Variants in NINJ2 observed in about 807,000 individuals in gnomAD.
NINJ2 encodes ninjurin-2.
In NINJ2, 12 loss-of-function variants were observed where a neutral mutation model predicts 11.7. The ratio of observed to expected loss-of-function variants is 1.02; its 90% CI spans 0.66 to 1.66. The LOEUF (loss-of-function observed/expected upper bound fraction) is 1.66, where lower values mean the gene tolerates loss of function less well. Ranked by LOEUF, NINJ2 falls within the 40% of genes most tolerant of loss-of-function variation. The pLI, the probability that NINJ2 is intolerant of heterozygous loss-of-function variation, is 0.00. For missense variants in NINJ2, 187 were observed against 181.8 expected (o/e 1.03, Z -0.16); for synonymous variants, 93 against 76.8 (o/e 1.21, Z -1.10).
intron 1 of NINJ2, among the ~76,000 whole-genome samples, chr12:574,615 A>G (rs1947427879): frequency 6.6e-6 from 1 of 151,558 alleles, no homozygotes; most frequent in East Asian, 1.9e-4. Context: ...GCCACCTTCT[A>G]CCAGGGAAGG....
chr12:642,471 C>A (rs541449196), intron 1 of NINJ2, among the ~76,000 whole-genome samples: 2 of 152,274 alleles, frequency 1.3e-5, no homozygotes, highest in African/African-American at 4.8e-5. Flanking sequence ...CCTCAGGTCC[C>A]CCCGCCTCGG....
chr12:567,078 G>C (rs1451876000), intron 1 of NINJ2, among the ~76,000 whole-genome samples: 1 of 152,214 alleles, frequency 6.6e-6, no homozygotes, highest in Non-Finnish European at 1.5e-5. Flanking sequence ...TCATTTAAAA[G>C]TTATAGTATT....
At chr12:655,803 C>G (rs532646929) in intron 1 of NINJ2, among the ~76,000 whole-genome samples, 1 of 152,034 alleles carries the variant, frequency 6.6e-6, no homozygotes, top group East Asian at 1.9e-4. Context: ...ATCCCAGCTA[C>G]TCAGGAGGCT....
At chr12:643,640 G>C in intron 1 of NINJ2, 1 of 988,056 alleles carries the variant, frequency 1.0e-6, no homozygotes, top group Non-Finnish European at 1.2e-6. Flanking sequence ...TTGCAACGAA[G>C]CCAAAGCCAA....
Position 585,438 on chromosome 12 carries a change from T to G in NINJ2, c.34-19260A>C, listed in dbSNP as rs1292644725. On this transcript the variant is annotated intron_variant, in intron 1 of 3. Transcript: ENST00000305108. This position sits in a 1 kb window ranked among gnomAD's most constrained non-coding sequence, Gnocchi z 4.1. Reference sequence around the variant, plus strand: ...TCAACAGCACCACCCAGGATTTCAGTGTCAGTCCTATCCTCATCAGGCAGG... The same window carrying G: ...TCAACAGCACCACCCAGGATTTCAGGGTCAGTCCTATCCTCATCAGGCAGG... 6.6e-6 allele frequency among the ~76,000 whole-genome samples: 1 copy of G among 151,898 alleles called. No individual in the cohort carries two copies. The highest frequency in any genetic ancestry group is 1.5e-5 in the Non-Finnish European group (1 of 68,004).
At position 634,265 on chromosome 12, in the gene NINJ2, C is replaced by CTTTTTTTTTTTT. The variant is rs67797144; in HGVS notation, c.33+29051_33+29062dup. Among the ~76,000 whole-genome samples, 20 of 59,526 alleles carry CTTTTTTTTTTTT rather than the reference C, an allele frequency of 3.4e-4. 1 individual carries two copies. The highest frequency in any genetic ancestry group is 8.9e-4 in the African/African-American group (16 of 17,970). The allele number at this position is 59,526 out of a possible 152,430, so 39.1% of individuals were successfully genotyped here. A position where few individuals can be genotyped will look rare whatever the true frequency, so the allele number is the denominator to read the frequency against. ...AAATAAATGTTGATTAGTTGCAGTT[C>CTTTTTTTTTTTT]TTTTTTTTTTTTTTTTTTTTTTTTT... On this transcript the variant is annotated intron_variant, in intron 1 of 3. Coordinates refer to ENST00000305108, the MANE Select transcript of NINJ2 (RefSeq NM_016533.6).
intron 1 of NINJ2, among the ~76,000 whole-genome samples, chr12:577,444 A>ATATATATACAT (rs1947483040): frequency 1.5e-5 from 1 of 66,078 alleles, no homozygotes; most frequent in African/African-American, 5.1e-5. Context: ...TATATATATA[A>ATATATATACAT]ATATTTTGGC....
intron 3 of NINJ2, among the ~76,000 whole-genome samples, 185 bp downstream of exon 3, chr12:565,032 C>T (rs1947272880): frequency 6.6e-6 from 1 of 152,244 alleles, no homozygotes; most frequent in African/African-American, 2.4e-5. Flanking sequence ...GCCATTAACA[C>T]AGCAGTGGGG....
intron 1 of NINJ2, among the ~76,000 whole-genome samples, chr12:602,711 A>C (rs1947887911): frequency 1.3e-5 from 2 of 152,206 alleles, no homozygotes; most frequent in Admixed American, 6.5e-5. Flanking sequence ...ACCATTTTGC[A>C]TTCCAGCCAG....
intron 1 of NINJ2, among the ~76,000 whole-genome samples, chr12:618,873 T>C (rs544719352): frequency 6.6e-6 from 1 of 152,272 alleles, no homozygotes; most frequent in Non-Finnish European, 1.5e-5. Flanking sequence ...TAGACTCAGA[T>C]GGTTTAGAGC....
chr12:605,744 C>T (rs55763859), intron 1 of NINJ2, among the ~76,000 whole-genome samples: 7,485 of 152,132 alleles, frequency 0.049, 256 homozygotes, highest in South Asian at 0.077. Context: ...GTTTGTTTTT[C>T]GAATGGGTTC....
intron 1 of NINJ2, among the ~76,000 whole-genome samples, chr12:597,427 T>C (rs1217728006): frequency 6.6e-6 from 1 of 152,208 alleles, no homozygotes; most frequent in East Asian, 1.9e-4. Context: ...ATTTCCACTG[T>C]TTACCCAGGA....
chr12:598,422 G>A (rs970328574), intron 1 of NINJ2, among the ~76,000 whole-genome samples: 1 of 152,168 alleles, frequency 6.6e-6, no homozygotes, highest in African/African-American at 2.4e-5. Context: ...AGGGCTGCCC[G>A]AGCTTGCCCA....
At chr12:642,195 G>GA (rs912614520) in intron 1 of NINJ2, among the ~76,000 whole-genome samples, 8 of 151,874 alleles carry the variant, frequency 5.3e-5, no homozygotes, top group South Asian at 2.1e-4. Flanking sequence ...AATCAGAGAG[G>GA]AAAAAAAAGT....
In NINJ2 at chr12:611,401, G is replaced by A. The variant is rs1363822404; in HGVS notation, c.34-45223C>T. ...CACCCAGGCTGGAGTGCAGTGGCAC[G>A]ATCTTGGCTCATTACAACCACCACC... On this transcript the variant is annotated intron_variant, in intron 1 of 3. Transcript: ENST00000305108. Among the ~76,000 whole-genome samples the A allele has an allele frequency of 9.3e-5, 14 of 150,544 alleles. No homozygotes were observed. In the South Asian group the frequency reaches 1.0e-3, roughly 11 times the overall value.
At position 627,769 on chromosome 12, in the gene NINJ2, G is replaced by C. The variant is rs141695427; in HGVS notation, c.33+35559C>G. ...GACCCCTGCCAAAATCTCAACTGGA[G>C]CTGGGCACAGTGGCGCATGCCTGTA... On this transcript the variant is annotated intron_variant, in intron 1 of 3. Coordinates refer to ENST00000305108, the MANE Select transcript of NINJ2 (RefSeq NM_016533.6). Among the ~76,000 whole-genome samples the C allele has an allele frequency of 1.1e-3, 174 of 152,306 alleles. 2 individuals are homozygous for C. The highest frequency in any genetic ancestry group is 4.1e-3 in the African/African-American group (170 of 41,574).
At chr12:597,272 T>C (rs1377168674) in intron 1 of NINJ2, among the ~76,000 whole-genome samples, 1 of 152,192 alleles carries the variant, frequency 6.6e-6, no homozygotes, top group Non-Finnish European at 1.5e-5. Flanking sequence ...ATGTGTAGCA[T>C]GAAAATGATA....
intron 1 of NINJ2, chr12:643,922 T>C (rs1937633286): frequency 6.5e-6 from 1 of 154,962 alleles, no homozygotes; most frequent in South Asian, 2.0e-4. Context: ...TATCACCTAT[T>C]GCAATTGCCC....
chr12:649,116 G>A (rs1436006936), intron 1 of NINJ2, among the ~76,000 whole-genome samples: 2 of 151,026 alleles, frequency 1.3e-5, no homozygotes, highest in African/African-American at 2.4e-5. Flanking sequence ...GCGCGATCTC[G>A]GCTCACTGCA....
Sources: gnomAD v4.1 joint callset for allele counts (sites outside exome capture counted in the v4.1 genomes callset) on GRCh38, gnomAD v4.1.1 for gene constraint, Gnocchi (gnomAD v3.1) non-coding constraint, MANE v1.5 for transcripts, NCBI Gene and HGNC (gene_info 2026-07-23, HGNC 2026-07-21) for gene names.